SPATA9: variants seen among roughly 807,000 people sequenced by gnomAD.
The protein encoded by SPATA9 is spermatogenesis-associated protein 9.
In SPATA9, 27 loss-of-function variants were observed where a neutral mutation model predicts 25.5. That is an observed-to-expected ratio of 1.06 (90% confidence interval 0.78 to 1.46). The LOEUF (loss-of-function observed/expected upper bound fraction) is 1.46. Ranked by LOEUF, SPATA9 falls within the 40% of genes most tolerant of loss-of-function variation. The probability of loss-of-function intolerance (pLI) is 0.00; values close to 1 mark genes in which losing one functional copy is unlikely to be tolerated. For missense variants in SPATA9, 282 were observed against 297.5 expected, an observed-to-expected ratio of 0.95 and a Z score of 0.38; for synonymous variants, 102 against 105.7, an observed-to-expected ratio of 0.97 and a Z score of 0.21.
chr5:95,712,239 T>A, the SPATA9 span, among the ~76,000 whole-genome samples: 4 of 152,352 alleles, frequency 2.6e-5, no homozygotes, highest in South Asian at 4.1e-4. Flanking sequence ...AGAACATGCA[T>A]GTCAGATTAC....
intron 2 of SPATA9, among the ~76,000 whole-genome samples, chr5:95,678,613 T>G (rs1396834753): frequency 6.6e-6 from 1 of 152,152 alleles, no homozygotes; most frequent in Admixed American, 6.5e-5. Context: ...GGAGGAAGAT[T>G]TAAATACTAA....
chr5:95,709,533 C>T, the SPATA9 span, among the ~76,000 whole-genome samples: 2 of 152,150 alleles, frequency 1.3e-5, no homozygotes, highest in Non-Finnish European at 1.5e-5. Flanking sequence ...GGAACTTCCA[C>T]TGAATGTTTA....
chr5:95,687,983 A>G (rs1269207332), upstream of SPATA9, among the ~76,000 whole-genome samples: 1 of 152,224 alleles, frequency 6.6e-6, no homozygotes, highest in Admixed American at 6.5e-5. Flanking sequence ...GTAAATTAGT[A>G]CAACTTCTAT....
At chr5:95,678,273 A>G (rs570299949) in intron 2 of SPATA9, among the ~76,000 whole-genome samples, 1 of 152,322 alleles carries the variant, frequency 6.6e-6, no homozygotes, top group South Asian at 2.1e-4. Flanking sequence ...GCTATTTGGG[A>G]GGCTCAGGCA....
At chr5:95,701,501 A>G (rs564152220), upstream of SPATA9, 165 of 152,224 alleles carry the variant, frequency 1.1e-3, 1 homozygote, top group African/African-American at 3.8e-3. Flanking sequence ...CTGGTAGCAT[A>G]CAGTATATTA....
chr5:95,656,345 C>A, downstream of SPATA9: 1 of 1,511,026 alleles, frequency 6.6e-7, no homozygotes, highest in Non-Finnish European at 9.0e-7. Context: ...GTTGTGTATG[C>A]TTGAAAACAT....
chr5:95,662,140 AT>A (rs1214661159), intron 4 of SPATA9, among the ~76,000 whole-genome samples: 1 of 152,152 alleles, frequency 6.6e-6, no homozygotes, highest in East Asian at 1.9e-4. Context: ...AGGACACTTG[AT>A]TTATGCAAAA....
the SPATA9 span, among the ~76,000 whole-genome samples, chr5:95,711,699 A>C: frequency 6.6e-6 from 1 of 152,222 alleles, no homozygotes; most frequent in African/African-American, 2.4e-5. Flanking sequence ...AGAGGGAGGC[A>C]GTACAGGGGG....
At chr5:95,713,046 T>C in the SPATA9 span, among the ~76,000 whole-genome samples, 1 of 152,238 alleles carries the variant, frequency 6.6e-6, no homozygotes, top group Non-Finnish European at 1.5e-5. Flanking sequence ...TGTTTACATA[T>C]ATAGATTATG....
At chr5:95,696,675 G>A (rs907994407) in intron 1 of SPATA9, among the ~76,000 whole-genome samples, 5 of 152,104 alleles carry the variant, frequency 3.3e-5, no homozygotes, top group Admixed American at 2.6e-4. Flanking sequence ...TCAGGAGTTC[G>A]AGACCACCCT....
At chr5:95,671,200 T>C (rs1434969590) in intron 3 of SPATA9, among the ~76,000 whole-genome samples, 3 of 152,214 alleles carry the variant, frequency 2.0e-5, no homozygotes, top group Non-Finnish European at 2.9e-5. Flanking sequence ...CAGTATCCTA[T>C]CTCTAGAATG....
chr5:95,670,977 C>T (rs1353431070), intron 3 of SPATA9: 48 of 845,418 alleles, frequency 5.7e-5, no homozygotes, highest in East Asian at 2.4e-4. Context: ...ATACTCCCCA[C>T]GTAAAGCTTC....
At chr5:95,674,559 A>T (rs1479321318) in intron 3 of SPATA9, 5 of 277,044 alleles carry the variant, frequency 1.8e-5, no homozygotes, top group Non-Finnish European at 3.6e-5. Flanking sequence ...ATTATAGCCA[A>T]GGAACAGCTG....
rs78963678 is a variant in SPATA9 at position 95,679,214 on chromosome 5, G to A, written c.150+3314C>T. Among the ~76,000 whole-genome samples the A allele has an allele frequency of 2.0e-4, 30 of 152,152 alleles. No homozygotes were observed. In the East Asian group the frequency reaches 5.4e-3, roughly 27 times the overall value. On this transcript the variant is annotated intron_variant, in intron 2 of 4. Coordinates refer to ENST00000274432, the MANE Select transcript of SPATA9 (RefSeq NM_031952.4). ...GGTGGGAGAATCAAAACTTGAAAAC[G>A]ATAACAAGGTTTTCCATGCCTGTCT...
chr5:95,709,058 C>T, the SPATA9 span, among the ~76,000 whole-genome samples: 1 of 152,122 alleles, frequency 6.6e-6, no homozygotes, highest in East Asian at 1.9e-4. Flanking sequence ...TTCAATCCGC[C>T]TTCAGAGCCG....
rs1381844415 is a variant in SPATA9, at chr5:95,679,148, CT to C, written c.150+3379del. Among the ~76,000 whole-genome samples the C allele has an allele frequency of 2.6e-5, 4 of 152,250 alleles. No individual in the cohort carries two copies. The East Asian group carries it at 7.7e-4, about 29-fold the overall frequency. On this transcript the variant is annotated intron_variant, in intron 2 of 4. Transcript: ENST00000274432. Reference sequence around the variant, plus strand: ...AAATGAATGAATGAAGTTGCCATTTCTTTTATTAAATAAAACCCCAGTTTCT... The same window carrying C: ...AAATGAATGAATGAAGTTGCCATTTCTTTATTAAATAAAACCCCAGTTTCT...
At chr5:95,671,419 T>A (rs1393024097) in intron 3 of SPATA9, among the ~76,000 whole-genome samples, 6 of 152,196 alleles carry the variant, frequency 3.9e-5, no homozygotes, top group Admixed American at 2.0e-4. Context: ...TAACTTTTTT[T>A]TTGTTTTTGA....
chr5:95,731,973 G>T, the SPATA9 span: 52 of 1,614,086 alleles, frequency 3.2e-5, no homozygotes, highest in African/African-American at 6.7e-5. Context: ...CCGGGGACGA[G>T]AGCAGCTTGT....
At chr5:95,730,464 G>C in the SPATA9 span, among the ~76,000 whole-genome samples, 1 of 152,192 alleles carries the variant, frequency 6.6e-6, no homozygotes, top group African/African-American at 2.4e-5. Context: ...TTTGAAGCAC[G>C]TTAGGGATAT....
Sources: gnomAD v4.1 joint callset for allele counts (sites outside exome capture counted in the v4.1 genomes callset) on GRCh38, gnomAD v4.1.1 for gene constraint, MANE v1.5 for transcripts, NCBI Gene and HGNC (gene_info 2026-07-23, HGNC 2026-07-21) for gene names.